Variants in METTL24 observed in about 807,000 individuals in gnomAD.
The protein encoded by METTL24 is methyltransferase like 24, also known as probable methyltransferase-like protein 24.
Under a neutral mutation model 32.7 loss-of-function variants are expected in METTL24, and 29 were observed. That is an observed-to-expected ratio of 0.89 (90% confidence interval 0.66 to 1.21). The LOEUF (loss-of-function observed/expected upper bound fraction) is 1.21. METTL24 is among the 50% of genes most tolerant of loss of function. The pLI is 0.00. For synonymous variants in METTL24, 163 were observed against 179.5 expected (o/e 0.91, Z 0.73); for missense variants, 439 against 468.1 (o/e 0.94, Z 0.57).
At chr6:110,320,631 TATCGCTC>T (rs1771915287) in intron 2 of METTL24, among the ~76,000 whole-genome samples, 1 of 152,148 alleles carries the variant, frequency 6.6e-6, no homozygotes, top group Non-Finnish European at 1.5e-5. Flanking sequence ...AATTCTCTAT[TATCGCTC>T]ATCAAGCTGA....
At chr6:110,346,267 C>T (rs889032967) in intron 1 of METTL24, among the ~76,000 whole-genome samples, 3 of 152,210 alleles carry the variant, frequency 2.0e-5, no homozygotes, top group African/African-American at 4.8e-5. Context: ...TGAGAACCTA[C>T]TGTGTGCCAG....
At chr6:110,308,968 GT>G (rs2114741378) in intron 3 of METTL24, among the ~76,000 whole-genome samples, 1 of 152,280 alleles carries the variant, frequency 6.6e-6, no homozygotes, top group East Asian at 1.9e-4. Context: ...AGAGAAGAGG[GT>G]TGGAGGGAAA....
intron 4 of METTL24, among the ~76,000 whole-genome samples, chr6:110,274,946 A>C (rs969637442): frequency 6.6e-6 from 1 of 150,970 alleles, no homozygotes; most frequent in African/African-American, 2.4e-5. Context: ...CTACAGGCGC[A>C]CATCACCACA....
intron 4 of METTL24, among the ~76,000 whole-genome samples, chr6:110,284,704 A>C (rs1047890164): frequency 1.3e-5 from 2 of 152,290 alleles, no homozygotes; most frequent in African/African-American, 4.8e-5. Context: ...ACACCACAAA[A>C]AAATTTTAGT....
chr6:110,274,211 G>C (rs1162023747), intron 4 of METTL24, among the ~76,000 whole-genome samples: 3 of 152,098 alleles, frequency 2.0e-5, no homozygotes, highest in Non-Finnish European at 4.4e-5. Flanking sequence ...TCCTCCCTCA[G>C]CCTCCCAAAT....
chr6:110,315,744 G>A (rs1027960171), intron 2 of METTL24, among the ~76,000 whole-genome samples: 18 of 152,298 alleles, frequency 1.2e-4, no homozygotes, highest in African/African-American at 4.3e-4. Flanking sequence ...TGTGCACAGG[G>A]TGTGCAGGAG....
At chr6:110,251,417 G>C (rs2114691156) in intron 4 of METTL24, among the ~76,000 whole-genome samples, 1 of 152,210 alleles carries the variant, frequency 6.6e-6, no homozygotes, top group South Asian at 2.1e-4. Context: ...GGTTTTACTT[G>C]ACAGTTGACA....
chr6:110,285,169 G>A (rs1283162690), intron 4 of METTL24, among the ~76,000 whole-genome samples: 1 of 152,232 alleles, frequency 6.6e-6, no homozygotes, highest in East Asian at 1.9e-4. Flanking sequence ...TGGGAACAGA[G>A]AGGCTGCTTT....
intron 1 of METTL24, among the ~76,000 whole-genome samples, chr6:110,341,600 T>C (rs1224245514): frequency 6.6e-6 from 1 of 152,234 alleles, no homozygotes; most frequent in Non-Finnish European, 1.5e-5. Flanking sequence ...TTCGTTCATT[T>C]GGAAAATGTC....
intron 4 of METTL24, among the ~76,000 whole-genome samples, chr6:110,264,446 G>A (rs1463028602): frequency 1.3e-5 from 2 of 152,240 alleles, no homozygotes; most frequent in East Asian, 3.9e-4. Context: ...CAGTTAGAAT[G>A]GCGATCATTA....
At chr6:110,303,552 G>A (rs1209928461) in intron 3 of METTL24, among the ~76,000 whole-genome samples, 4 of 152,222 alleles carry the variant, frequency 2.6e-5, no homozygotes, top group Non-Finnish European at 4.4e-5. Context: ...CCTCTGGGAA[G>A]TTTGGACTGG....
chr6:110,351,128 G>A (rs1728940244), intron 1 of METTL24, among the ~76,000 whole-genome samples: 1 of 152,094 alleles, frequency 6.6e-6, no homozygotes, highest in South Asian at 2.1e-4. Flanking sequence ...CCTGAGTTGG[G>A]AGGTCGAGGC....
chr6:110,277,061 C>A (rs1041127976), intron 4 of METTL24, among the ~76,000 whole-genome samples: 65 of 152,064 alleles, frequency 4.3e-4, no homozygotes, highest in African/African-American at 1.5e-3. Flanking sequence ...AAAATGTTTT[C>A]CACCTAAAGC....
At chr6:110,316,455 T>C (rs966761199) in intron 2 of METTL24, among the ~76,000 whole-genome samples, 8 of 152,216 alleles carry the variant, frequency 5.3e-5, no homozygotes, top group African/African-American at 1.9e-4. Context: ...CCCTTAGAAC[T>C]CTCATAGTCA....
At chr6:110,291,983 G>A (rs1340708835) in intron 4 of METTL24, among the ~76,000 whole-genome samples, 3 of 152,144 alleles carry the variant, frequency 2.0e-5, no homozygotes, top group African/African-American at 4.8e-5. Context: ...TTTCAAAACT[G>A]TTCAGCAATT....
intron 4 of METTL24, among the ~76,000 whole-genome samples, chr6:110,296,374 T>A (rs1010265418): frequency 9.9e-5 from 15 of 152,226 alleles, no homozygotes; most frequent in Non-Finnish European, 4.4e-5. Flanking sequence ...GAGTAGACAG[T>A]TAATCATTTC....
At chr6:110,328,282 G>A (rs1772050508) in intron 1 of METTL24, among the ~76,000 whole-genome samples, 1 of 152,200 alleles carries the variant, frequency 6.6e-6, no homozygotes, top group Admixed American at 6.5e-5. Context: ...TTTTGCAAAG[G>A]CCTTATCTGG....
chr6:110,252,000 C>T (rs147878540), intron 4 of METTL24, among the ~76,000 whole-genome samples: 58 of 152,062 alleles, frequency 3.8e-4, no homozygotes, highest in Admixed American at 3.0e-3. Flanking sequence ...AAAAATTAGC[C>T]GGGTGAGGTG....
chr6:110,246,553 G>T (rs2114687018), intron 4 of METTL24, among the ~76,000 whole-genome samples: 1 of 152,310 alleles, frequency 6.6e-6, no homozygotes, highest in Admixed American at 6.5e-5. Flanking sequence ...GAGTAGCTGG[G>T]ACTACAGGCG....
Sources: gnomAD v4.1 joint callset for allele counts (sites outside exome capture counted in the v4.1 genomes callset) on GRCh38, gnomAD v4.1.1 for gene constraint, MANE v1.5 for transcripts, NCBI Gene and HGNC (gene_info 2026-07-23, HGNC 2026-07-21) for gene names.